Variants in PRDM16 observed in about 807,000 individuals in gnomAD.
PRDM16 encodes the protein histone-lysine N-methyltransferase PRDM16.
A neutral mutation model predicts 110.6 loss-of-function variants in PRDM16; 23 were observed. The observed-to-expected ratio is 0.21, with a 90% CI of 0.15 to 0.29. The LOEUF is 0.29. Ranked by LOEUF, PRDM16 falls within the 10% of genes least tolerant of loss-of-function variation. The probability of loss-of-function intolerance (pLI) is 1.00; values close to 1 mark genes in which losing one functional copy is unlikely to be tolerated. For missense variants in PRDM16, 1,615 were observed against 1,794.3 expected (o/e 0.90, Z 1.81); for synonymous variants, 799 against 781.8 (o/e 1.02, Z -0.37).
At chr1:3,254,789 A>G (rs1216558317) in intron 3 of PRDM16, among the ~76,000 whole-genome samples, 1 of 152,102 alleles carries the variant, frequency 6.6e-6, no homozygotes, top group African/African-American at 2.4e-5. Context: ...CTTTCTTCAC[A>G]GAATTGGAAA....
intron 1 of PRDM16, among the ~76,000 whole-genome samples, chr1:3,162,831 C>T (rs1317124679): frequency 6.7e-6 from 1 of 148,468 alleles, no homozygotes; most frequent in Non-Finnish European, 1.5e-5. Flanking sequence ...CAAAGCGGCA[C>T]CTCCGCAGGA....
chr1:3,071,900 C>G (rs1452811652), intron 1 of PRDM16, among the ~76,000 whole-genome samples: 1 of 152,222 alleles, frequency 6.6e-6, no homozygotes, highest in Non-Finnish European at 1.5e-5. Flanking sequence ...CCCTGGAGAC[C>G]CCACTCCAAG....
At chr1:3,221,803 G>T (rs1639157289) in intron 2 of PRDM16, among the ~76,000 whole-genome samples, 1 of 152,220 alleles carries the variant, frequency 6.6e-6, no homozygotes, top group Non-Finnish European at 1.5e-5. Context: ...ACAAACACAG[G>T]TCGTGCATGC....
Position 3,385,359 on chromosome 1 carries a change from G to A in PRDM16, c.573+73G>A, listed in dbSNP as rs1376017563. On this transcript the variant is annotated intron_variant, in intron 4 of 16. Transcript: ENST00000270722. The stretch of plus-strand genomic sequence containing the variant: ...TGAGGATGTGGCACCAAGATTGGTG[G>A]AGGTGCCGAGGCAAGGGTTGTCTGA... 7 of 1,524,876 alleles carry A rather than the reference G, an allele frequency of 4.6e-6. No homozygotes were observed. In the African/African-American group the frequency reaches 6.8e-5, roughly 15 times the overall value. The allele number at this position is 1,524,876 out of a possible 1,614,324, so 94.5% of individuals were successfully genotyped here.
At chr1:3,119,988 C>CCCTG (rs967983371) in intron 1 of PRDM16, among the ~76,000 whole-genome samples, 2 of 138,700 alleles carry the variant, frequency 1.4e-5, no homozygotes, top group East Asian at 3.9e-4. Context: ...CAGGCTGCAG[C>CCCTG]CCTGCCTGCC....
chr1:3,168,385 C>G (rs538021341), intron 1 of PRDM16, among the ~76,000 whole-genome samples: 20 of 145,682 alleles, frequency 1.4e-4, no homozygotes, highest in Admixed American at 1.3e-3. Context: ...TTCTGGAACC[C>G]CTGGAACCAG....
intron 1 of PRDM16, among the ~76,000 whole-genome samples, chr1:3,181,074 G>C (rs1357508064): frequency 2.2e-5 from 1 of 45,260 alleles, no homozygotes; most frequent in Non-Finnish European, 6.4e-5. Context: ...TTACACACCC[G>C]GTCTTACACA....
chr1:3,319,092 A>G (rs1641680655), intron 3 of PRDM16, among the ~76,000 whole-genome samples: 1 of 152,160 alleles, frequency 6.6e-6, no homozygotes, highest in Admixed American at 6.5e-5. Flanking sequence ...ATTTTTTTTC[A>G]GAACCCAGGG....
At chr1:3,196,617 C>T (rs577650271) in intron 2 of PRDM16, among the ~76,000 whole-genome samples, 8 of 152,342 alleles carry the variant, frequency 5.3e-5, no homozygotes, top group Non-Finnish European at 1.2e-4. Context: ...GGGTTCCTGA[C>T]CCAGATGGTC....
chr1:3,355,083 C>T (rs1642567401), intron 3 of PRDM16, among the ~76,000 whole-genome samples: 2 of 152,090 alleles, frequency 1.3e-5, no homozygotes. Flanking sequence ...AGGCCTCCCG[C>T]ACCGATACCA....
At chr1:3,165,131 G>T (rs528057365) in intron 1 of PRDM16, among the ~76,000 whole-genome samples, 1 of 152,348 alleles carries the variant, frequency 6.6e-6, no homozygotes, top group Non-Finnish European at 1.5e-5. Context: ...CAGCAGGCAG[G>T]CAGTCTTCTG....
chr1:3,158,982 G>A (rs1316372041), intron 1 of PRDM16, among the ~76,000 whole-genome samples: 1 of 152,314 alleles, frequency 6.6e-6, no homozygotes, highest in East Asian at 1.9e-4. Context: ...ATGTTGGCCA[G>A]GCTGGTCTCG....
At chr1:3,138,289 A>G (rs1465089660) in intron 1 of PRDM16, among the ~76,000 whole-genome samples, 2 of 152,238 alleles carry the variant, frequency 1.3e-5, no homozygotes, top group Non-Finnish European at 2.9e-5. Flanking sequence ...GGCTGCCACA[A>G]GCCTTTTTGC....
chr1:3,349,588 C>T (rs1442214223), intron 3 of PRDM16, among the ~76,000 whole-genome samples: 1 of 152,318 alleles, frequency 6.6e-6, no homozygotes, highest in East Asian at 1.9e-4. Flanking sequence ...CTCTTTCCCA[C>T]TGGCTGGTGT....
chr1:3,430,794 G>A (rs998383274), intron 14 of PRDM16, 78 bp from the exon 15 acceptor site: 36 of 1,531,800 alleles, frequency 2.4e-5, no homozygotes, highest in Middle Eastern at 1.7e-4. Context: ...GGGGCAGAGC[G>A]GAGTCACCAG....
intron 3 of PRDM16, among the ~76,000 whole-genome samples, chr1:3,253,139 G>T (rs1181829137): frequency 6.6e-6 from 1 of 151,872 alleles, no homozygotes; most frequent in African/African-American, 2.4e-5. Context: ...CATCCAGGTA[G>T]TATCACCCCC....
chr1:3,356,094 GA>G (rs1241754658), intron 3 of PRDM16, among the ~76,000 whole-genome samples: 2 of 152,188 alleles, frequency 1.3e-5, no homozygotes, highest in Non-Finnish European at 2.9e-5. Context: ...TGTTCTTCTG[GA>G]AACGGTGCCA....
Position 3,120,265 on chromosome 1 carries a change from C to G in PRDM16, c.37+50969C>G, listed in dbSNP as rs561504874. On this transcript the variant is annotated intron_variant, in intron 1 of 16. Transcript: ENST00000270722. Reference sequence around the variant, plus strand: ...CATCGTTCCACAAAGATCGCGTGTCCTCCCTGCCCCCTGTCTGGCAGCCTC... The same window carrying G: ...CATCGTTCCACAAAGATCGCGTGTCGTCCCTGCCCCCTGTCTGGCAGCCTC... 3.9e-5 allele frequency among the ~76,000 whole-genome samples: 6 copies of G among 152,368 alleles called. No homozygotes were observed. In the South Asian group the frequency reaches 1.2e-3, roughly 32 times the overall value.
intron 2 of PRDM16, among the ~76,000 whole-genome samples, chr1:3,204,879 G>A (rs1393167254): frequency 6.6e-6 from 1 of 152,210 alleles, no homozygotes; most frequent in Non-Finnish European, 1.5e-5. Context: ...TGGCTAATTG[G>A]AGAGTGGGAC....
Sources: allele counts gnomAD v4.1 joint callset (sites outside exome capture counted in the v4.1 genomes callset), GRCh38; gene constraint gnomAD v4.1.1; transcripts MANE v1.5; gene names NCBI Gene and HGNC (gene_info 2026-07-23, HGNC 2026-07-21).